SLC12A6: variants seen among roughly 807,000 people sequenced by gnomAD.
SLC12A6 encodes the protein solute carrier family 12 member 6.
In SLC12A6, 66 loss-of-function variants were observed where a neutral mutation model predicts 135.3. The observed-to-expected ratio is 0.49, with a 90% CI of 0.40 to 0.60. SLC12A6 has a LOEUF of 0.60. Among genes scored for constraint, SLC12A6 ranks in the 20% least tolerant of loss-of-function variants. SLC12A6 has a pLI of 0.00. For missense variants in SLC12A6, 1,058 were observed against 1,452.3 expected, an observed-to-expected ratio of 0.73 and a Z score of 4.41; for synonymous variants, 513 against 508.8, an observed-to-expected ratio of 1.01 and a Z score of -0.11.
chr15:34,247,468 G>C (rs1349072021), intron 13 of SLC12A6, among the ~76,000 whole-genome samples: 3 of 151,906 alleles, frequency 2.0e-5, no homozygotes, highest in African/African-American at 7.3e-5. Context: ...AGTGAGCCGA[G>C]ACTGCGCCAC....
At chr15:34,276,177 C>G (rs1894284948) in intron 2 of SLC12A6, among the ~76,000 whole-genome samples, 1 of 151,982 alleles carries the variant, frequency 6.6e-6, no homozygotes, top group South Asian at 2.1e-4. Context: ...CAAATTTGAC[C>G]AAGCAGTCGT....
At chr15:34,257,178 T>C (rs1222937594) in intron 6 of SLC12A6, among the ~76,000 whole-genome samples, 5 of 152,148 alleles carry the variant, frequency 3.3e-5, no homozygotes, top group Non-Finnish European at 7.4e-5. Context: ...AGAGAAGACC[T>C]GGAAAGAACA....
chr15:34,256,155 T>A, intron 7 of SLC12A6, 74 bp downstream of exon 7: 1 of 927,956 alleles, frequency 1.1e-6, no homozygotes. Flanking sequence ...TTCAGAAGTT[T>A]GCACCTCTAG....
intron 2 of SLC12A6, among the ~76,000 whole-genome samples, chr15:34,296,181 G>C (rs1426069434): frequency 2.0e-5 from 3 of 152,096 alleles, no homozygotes; most frequent in African/African-American, 7.2e-5. Flanking sequence ...GATGCTGTGG[G>C]GAACAAGAGT....
chr15:34,301,689 A>G (rs540755703), intron 2 of SLC12A6, among the ~76,000 whole-genome samples: 11 of 152,240 alleles, frequency 7.2e-5, no homozygotes, highest in Non-Finnish European at 1.6e-4. Flanking sequence ...CTTATTTTAA[A>G]GAAAAGACAG....
intron 2 of SLC12A6, among the ~76,000 whole-genome samples, chr15:34,326,910 T>A (rs1169302410): frequency 6.7e-6 from 1 of 148,226 alleles, no homozygotes; most frequent in African/African-American, 2.5e-5. Context: ...TTCACTATGT[T>A]GCCCAGGCTA....
intron 2 of SLC12A6, among the ~76,000 whole-genome samples, chr15:34,322,527 G>A (rs1889167847): frequency 6.6e-6 from 1 of 152,062 alleles, no homozygotes. Context: ...TTTGTGGGAG[G>A]TGAACTGATT....
intron 21 of SLC12A6, 48 bp downstream of exon 21, chr15:34,238,184 G>C (rs769435653): frequency 7.5e-7 from 1 of 1,339,444 alleles, no homozygotes; most frequent in African/African-American, 1.4e-5. Flanking sequence ...CTGTGAACCA[G>C]GACAGAAGGG....
In SLC12A6 at chr15:34,232,350, TC is replaced by T. The variant is rs1891004069; in HGVS notation, c.*1530del. 2 of 152,182 alleles carry T rather than the reference TC, an allele frequency of 1.3e-5. No individual in the cohort carries two copies. Among genetic ancestry groups the T allele is most frequent in the South Asian group, 4.1e-4 (2 of 4,840 alleles). 9.4% of individuals were successfully genotyped at this position (152,182 alleles called of 1,614,324 possible). A position where few individuals can be genotyped will look rare whatever the true frequency, so the allele number is the denominator to read the frequency against. ...TCAAATGATCCTCCTGCCTTAGCCT[TC>T]CGTGTTGCTGGGATCACAGGCATGC... is the stretch of plus-strand genomic sequence containing the variant. On this transcript the variant is annotated 3_prime_UTR_variant, in exon 26 of 26. Coordinates refer to ENST00000354181, the MANE Select transcript of SLC12A6 (RefSeq NM_001365088.1).
At chr15:34,283,734 G>A (rs899053587) in intron 2 of SLC12A6, among the ~76,000 whole-genome samples, 42 of 151,594 alleles carry the variant, frequency 2.8e-4, no homozygotes, top group African/African-American at 1.0e-3. Flanking sequence ...TGAAAATGAC[G>A]TAAAACGACT....
chr15:34,305,771 T>A (rs1896566249), intron 2 of SLC12A6, among the ~76,000 whole-genome samples: 2 of 151,294 alleles, frequency 1.3e-5, no homozygotes, highest in Non-Finnish European at 2.9e-5. Context: ...TTTTTTTTTT[T>A]TTTTAAAGAT....
At position 34,259,005 on chromosome 15, in the gene SLC12A6, A is replaced by G; in HGVS notation, c.412-61T>C. ...AAGAACACTGAACATAAGTATCAAAATAATCTTGCTACCAGAAAACTTCAA... is the reference window on the plus strand; with the variant it reads ...AAGAACACTGAACATAAGTATCAAAGTAATCTTGCTACCAGAAAACTTCAA... On this transcript the variant is annotated intron_variant, in intron 4 of 25. Transcript: ENST00000354181. The G allele has an allele frequency of 1.4e-6, 2 of 1,399,518 alleles. 1 individual carries two copies. The highest frequency in any genetic ancestry group is 2.3e-5 in the South Asian group (2 of 86,122). The allele number at this position is 1,399,518 out of a possible 1,614,324, so 86.7% of individuals were successfully genotyped here.
chr15:34,278,004 G>A (rs1894412320), intron 2 of SLC12A6, among the ~76,000 whole-genome samples: 1 of 152,174 alleles, frequency 6.6e-6, no homozygotes, highest in Admixed American at 6.5e-5. Context: ...AGGTATGATA[G>A]GCTAAAACAA....
rs114474942 is a variant in SLC12A6, at chr15:34,319,149, T to G, written c.271+17261A>C. 0.037 allele frequency among the ~76,000 whole-genome samples: 5,522 copies of G among 149,324 alleles called. 123 individuals are homozygous for G. Among genetic ancestry groups the G allele is most frequent in the African/African-American group, 0.094 (3,710 of 39,654 alleles). On this transcript the variant is annotated intron_variant, in intron 2 of 25. Transcript: ENST00000354181. ...AGTTAACTTTTTTTTTTTTTTTTTTTGAGACAGGGTCTCGCTCGCCCTGTT... is the reference window on the plus strand; with the variant it reads ...AGTTAACTTTTTTTTTTTTTTTTTTGGAGACAGGGTCTCGCTCGCCCTGTT...
At chr15:34,288,541 G>A (rs1895283270) in intron 2 of SLC12A6, among the ~76,000 whole-genome samples, 1 of 152,208 alleles carries the variant, frequency 6.6e-6, no homozygotes, top group African/African-American at 2.4e-5. Context: ...GTAGCTTGAT[G>A]GGGATAGCAT....
intron 2 of SLC12A6, among the ~76,000 whole-genome samples, chr15:34,297,145 A>C (rs1364674374): frequency 6.6e-6 from 1 of 152,174 alleles, no homozygotes; most frequent in Non-Finnish European, 1.5e-5. Context: ...AAATCTCTTC[A>C]AATGTTGCTA....
chr15:34,252,462 G>A lies in SLC12A6; in HGVS notation c.1119-78C>T, dbSNP rs576017698. Reference sequence around the variant, plus strand: ...AAAAAAAAGGAAACAGGTTAGTAAAGGAAACAAGAACCCCATCTTTAAGAG... The same window carrying A: ...AAAAAAAAGGAAACAGGTTAGTAAAAGAAACAAGAACCCCATCTTTAAGAG... On this transcript the variant is annotated intron_variant, in intron 9 of 25. Coordinates refer to ENST00000354181, the MANE Select transcript of SLC12A6 (RefSeq NM_001365088.1). The A allele has an allele frequency of 1.9e-5, 16 of 842,344 alleles. No individual in the cohort carries two copies. In the Admixed American group the frequency reaches 3.1e-4, roughly 16 times the overall value. 52.2% of individuals were successfully genotyped at this position (842,344 alleles called of 1,614,324 possible).
At chr15:34,252,592 C>A (rs1892468785) in intron 9 of SLC12A6, among the ~76,000 whole-genome samples, 1 of 152,152 alleles carries the variant, frequency 6.6e-6, no homozygotes, top group Non-Finnish European at 1.5e-5. Flanking sequence ...ATACTTACAG[C>A]AACCTCACAA....
At chr15:34,243,351 T>C (rs997877335) in intron 16 of SLC12A6, among the ~76,000 whole-genome samples, 1 of 152,168 alleles carries the variant, frequency 6.6e-6, no homozygotes, top group Non-Finnish European at 1.5e-5. Flanking sequence ...CAAAGAAGAA[T>C]GTAGCAACGG....
Sources: allele counts gnomAD v4.1 joint callset (sites outside exome capture counted in the v4.1 genomes callset), GRCh38; gene constraint gnomAD v4.1.1; transcripts MANE v1.5; gene names NCBI Gene and HGNC (gene_info 2026-07-23, HGNC 2026-07-21).